Variants in DRICH1 observed in about 807,000 individuals in gnomAD.
DRICH1 encodes the protein aspartate-rich protein 1.
DRICH1 carries 38 observed loss-of-function variants against 39.5 expected under a neutral mutation model. That is an observed-to-expected ratio of 0.96 (90% confidence interval 0.74 to 1.26). The LOEUF (loss-of-function observed/expected upper bound fraction) is 1.26. DRICH1 is among the 50% of genes most tolerant of loss of function. The pLI is 0.00. For missense variants in DRICH1, 279 were observed against 270.4 expected, an observed-to-expected ratio of 1.03 and a Z score of -0.22; for synonymous variants, 84 against 99.5, an observed-to-expected ratio of 0.84 and a Z score of 0.93.
At chr22:23,581,202 T>C in the DRICH1 span, 4 of 152,258 alleles carry the variant, frequency 2.6e-5, no homozygotes, top group East Asian at 1.9e-4. Flanking sequence ...TTCATTCTTA[T>C]AGATTTCACT....
rs1927776387 is a variant in DRICH1 at position 23,622,105 on chromosome 22, C to A, written c.370G>T (p.Asp124Tyr). The change falls in exon 4 of 12, where the codon GAT becomes TAT. Residue 124 changes from aspartate (D) to tyrosine (Y), a missense_variant. By Grantham distance (160) the Asp-to-Tyr change is radical (BLOSUM62 -3). Transcript: ENST00000317749. ...GATTGTCTTACCTGGGCATCATCAT[C>A]ATCATCATCATCACAGTCATCATCT... ...SEDDDCDDDD[D>Y]DDAQILPSRV... The A allele has an allele frequency of 1.2e-6, 2 of 1,613,362 alleles. No individual in the cohort carries two copies. The highest frequency in any genetic ancestry group is 1.7e-6 in the Non-Finnish European group (2 of 1,179,460).
chr22:23,617,097 A>C (rs188901449), intron 7 of DRICH1, among the ~76,000 whole-genome samples: 35 of 152,340 alleles, frequency 2.3e-4, no homozygotes, highest in African/African-American at 8.2e-4. Context: ...TAAATGCACA[A>C]TGTCTAATCC....
chr22:23,624,380 T>G, intron 3 of DRICH1: 1 of 970,990 alleles, frequency 1.0e-6, no homozygotes. Flanking sequence ...CAATAGCCCA[T>G]AAACATAATA....
At chr22:23,613,118 A>AGC (rs1334621796) in intron 11 of DRICH1, among the ~76,000 whole-genome samples, 171 bp downstream of exon 11, 1 of 152,222 alleles carries the variant, frequency 6.6e-6, no homozygotes, top group East Asian at 1.9e-4. Context: ...GACAGTTCTT[A>AGC]CCATGATGCC....
chr22:23,623,173 G>T (rs974135710), intron 3 of DRICH1, among the ~76,000 whole-genome samples: 6 of 152,146 alleles, frequency 3.9e-5, no homozygotes, highest in African/African-American at 1.4e-4. Context: ...TTGGGAGGCT[G>T]AGGCGGGCAG....
intron 6 of DRICH1, among the ~76,000 whole-genome samples, chr22:23,618,804 TTTTTGGTTAAC>T (rs1330621501): frequency 6.6e-5 from 10 of 152,142 alleles, no homozygotes. Flanking sequence ...ACGGGGGTGA[TTTTTGGTTAAC>T]TAGCTTATGT....
intron 11 of DRICH1, among the ~76,000 whole-genome samples, chr22:23,612,883 A>G (rs1927123638): frequency 6.6e-6 from 1 of 152,188 alleles, no homozygotes; most frequent in African/African-American, 2.4e-5. Context: ...ACACAGCACA[A>G]GGACTGTTTC....
intron 6 of DRICH1, among the ~76,000 whole-genome samples, chr22:23,618,777 A>G (rs2123777437): frequency 6.6e-6 from 1 of 152,356 alleles, no homozygotes; most frequent in South Asian, 2.1e-4. Flanking sequence ...CAAATTCATG[A>G]AAAAATGTCC....
downstream of DRICH1, among the ~76,000 whole-genome samples, chr22:23,604,758 CAT>C (rs1337693384): frequency 2.0e-5 from 3 of 152,210 alleles, no homozygotes. Flanking sequence ...CAGAGGTGCA[CAT>C]GTCAGCTCCA....
chr22:23,631,778 G>T (rs1920983112), intron 1 of DRICH1, 38 bp downstream of exon 1: 29 of 1,547,520 alleles, frequency 1.9e-5, no homozygotes, highest in Non-Finnish European at 2.6e-5. Flanking sequence ...GTGGCCAGAG[G>T]TGTGCCAGAG....
intron 3 of DRICH1, among the ~76,000 whole-genome samples, chr22:23,624,606 A>C (rs1927951278): frequency 6.6e-6 from 1 of 152,102 alleles, no homozygotes; most frequent in Admixed American, 6.6e-5. Context: ...TCCACTCTTT[A>C]GGATTCTGGT....
the DRICH1 span, among the ~76,000 whole-genome samples, chr22:23,585,949 A>G: frequency 6.6e-6 from 1 of 152,174 alleles, no homozygotes; most frequent in Non-Finnish European, 1.5e-5. Context: ...ACTTTTTGTC[A>G]ATGATTCTTG....
chr22:23,598,669 C>G, the DRICH1 span, among the ~76,000 whole-genome samples: 1 of 152,238 alleles, frequency 6.6e-6, no homozygotes, highest in Non-Finnish European at 1.5e-5. Context: ...CTCTGTAGCC[C>G]TGACTCGGCC....
At chr22:23,622,252 T>G (rs767798204) in intron 3 of DRICH1, 76 bp from the exon 4 acceptor site, 8 of 1,319,516 alleles carry the variant, frequency 6.1e-6, no homozygotes, top group African/African-American at 1.4e-5. Flanking sequence ...TTGCTGGATG[T>G]GGTGTATGGA....
At chr22:23,617,507 ATTGGTGAGT>A in intron 7 of DRICH1, 59 bp downstream of exon 7, 1 of 1,553,324 alleles carries the variant, frequency 6.4e-7, no homozygotes, top group South Asian at 1.1e-5. Context: ...TTGGGATTGG[ATTGGTGAGT>A]TTGTTTCTCA....
At chr22:23,620,530 G>A in intron 5 of DRICH1, 64 bp downstream of exon 5, 2 of 1,544,790 alleles carry the variant, frequency 1.3e-6, no homozygotes, top group Non-Finnish European at 1.8e-6. Flanking sequence ...CCCAGATTAA[G>A]GTTCCTATAT....
chr22:23,584,345 C>T, the DRICH1 span, among the ~76,000 whole-genome samples: 1 of 152,074 alleles, frequency 6.6e-6, no homozygotes, highest in East Asian at 1.9e-4. Flanking sequence ...CTGCCCTGCT[C>T]CCGTGTTTGT....
rs1165450138 is a variant in DRICH1, at chr22:23,619,379, A to G, written c.421T>C (p.Phe141Leu). ...ACAGACTCACAAGAACTGCTATCAAACCGGTAACAGCCACCTGCGGAGAAA... is the reference window on the plus strand; with the variant it reads ...ACAGACTCACAAGAACTGCTATCAAGCCGGTAACAGCCACCTGCGGAGAAA... ...PSRVQGGCYR[F>L]DSSSCSSEDN... The change falls in exon 6 of 12, where the codon TTT (phenylalanine) becomes CTT (leucine). Residue 141 changes from phenylalanine to leucine, a missense_variant. Transcript: ENST00000317749. 2.6e-6 allele frequency: 2 copies of G among 780,796 alleles called. No homozygotes were observed. The highest frequency in any genetic ancestry group is 4.8e-6 in the Non-Finnish European group (2 of 417,936). 48.4% of individuals were successfully genotyped at this position (780,796 alleles called of 1,614,324 possible).
intron 2 of DRICH1, 45 bp downstream of exon 2, chr22:23,625,936 C>G (rs1478286206): frequency 1.3e-6 from 2 of 1,492,794 alleles, no homozygotes; most frequent in African/African-American, 1.4e-5. Flanking sequence ...TTTCTGACAT[C>G]AGGAAAGCAA....
Sources: allele counts gnomAD v4.1 joint callset (sites outside exome capture counted in the v4.1 genomes callset), GRCh38; gene constraint gnomAD v4.1.1; transcripts MANE v1.5; gene names NCBI Gene and HGNC (gene_info 2026-07-23, HGNC 2026-07-21).